The following SMPD1 variants were observed in gnomAD, a reference collection of about 807,000 sequenced individuals.
SMPD1 encodes the protein sphingomyelin phosphodiesterase 1.
A neutral mutation model predicts 49.7 loss-of-function variants in SMPD1; 47 were observed. The ratio of observed to expected loss-of-function variants is 0.95; its 90% CI spans 0.75 to 1.21. The LOEUF is 1.21. Ranked by LOEUF, SMPD1 falls within the 50% of genes most tolerant of loss-of-function variation. SMPD1 has a pLI of 0.00. For missense variants in SMPD1, 811 were observed against 822.2 expected (o/e 0.99, Z 0.17); for synonymous variants, 336 against 339.6 (o/e 0.99, Z 0.12).
In SMPD1 at chr11:6,393,379, G is replaced by A. The variant is rs991565276; in HGVS notation, c.1255G>A (p.Gly419Arg). The part of the protein sequence containing the change: ...VGELQAAEDR[G>R]DKVHIIGHIP... ...GGAGCTTCAGGCTGCTGAGGATCGA[G>A]GAGACAAAGTGAGGGCCAGTAGTGG... Residue 419 changes from glycine (G) to arginine (R), a missense_variant, in exon 3 of 6, where the codon GGA becomes AGA. By Grantham distance (125) the Gly-to-Arg change is moderately radical. Transcript: ENST00000342245. 1 of 1,612,686 alleles carries A rather than the reference G, an allele frequency of 6.2e-7. No homozygotes were observed. Among genetic ancestry groups the A allele is most frequent in the African/African-American group, 1.3e-5 (1 of 74,918 alleles).
At chr11:6,392,927 C>T (rs1848000363) in intron 2 of SMPD1, among the ~76,000 whole-genome samples, 1 of 151,760 alleles carries the variant, frequency 6.6e-6, no homozygotes, top group Non-Finnish European at 1.5e-5. Context: ...TTTTTAAGTG[C>T]TCCAGTTTTT....
intron 5 of SMPD1, 52 bp from the exon 6 acceptor site, chr11:6,394,146 C>T: frequency 6.2e-7 from 1 of 1,613,876 alleles, no homozygotes; most frequent in Non-Finnish European, 8.5e-7. Flanking sequence ...GTGGCCCCTC[C>T]CTGGAGTTAC....
Position 6,390,538 on chromosome 11 carries a change from G to A in SMPD1, c.-61G>A. 6.3e-7 allele frequency: 1 copy of A among 1,580,236 alleles called. No homozygotes were observed. Among genetic ancestry groups the A allele is most frequent in the Non-Finnish European group, 8.6e-7 (1 of 1,165,072 alleles). ...GCGCCGCCCGGGGCCCTGAGGGCTGGCTAGGGTCCAGGCCGGGGGGGACGG... is the reference window on the plus strand; with the variant it reads ...GCGCCGCCCGGGGCCCTGAGGGCTGACTAGGGTCCAGGCCGGGGGGGACGG... On this transcript the variant is annotated 5_prime_UTR_variant, in exon 1 of 6. Coordinates refer to ENST00000342245, the MANE Select transcript of SMPD1 (RefSeq NM_000543.5).
At chr11:6,393,428 A>T in intron 3 of SMPD1, 41 bp downstream of exon 3, 1 of 1,593,478 alleles carries the variant, frequency 6.3e-7, no homozygotes, top group South Asian at 1.1e-5. Context: ...CTGGGGGACA[A>T]GCAGGCTCCT....
chr11:6,393,486 TCC>T (rs2134018651), intron 3 of SMPD1, 99 bp downstream of exon 3: 4 of 1,438,696 alleles, frequency 2.8e-6, no homozygotes, highest in Non-Finnish European at 3.9e-6. Context: ...TTCCTGGCAT[TCC>T]CAACAAGTGT....
In SMPD1 at chr11:6,393,454, C is replaced by T. The variant is rs1228922029; in HGVS notation, c.1263+67C>T. 1.9e-6 allele frequency: 3 copies of T among 1,540,970 alleles called. No homozygotes were observed. In the African/African-American group the frequency reaches 4.1e-5, roughly 21 times the overall value. ...GCAGGCTCCTGTTGAGCTGGAGCAC[C>T]TCTGGGCACAGAAGTTTTATTTTCC... On this transcript the variant is annotated intron_variant, in intron 3 of 5. Transcript: ENST00000342245.
chr11:6,394,312 A>C lies in SMPD1; in HGVS notation c.1601A>C (p.His534Pro), dbSNP rs1848087938. The change falls in exon 6 of 6, where the codon CAC becomes CCC. Residue 534 changes from histidine to proline, a missense_variant. Coordinates refer to ENST00000342245, the MANE Select transcript of SMPD1 (RefSeq NM_000543.5). ...GCAAACATACCGGGAGCCATACCGC[A>C]CTGGCAGCTTCTCTACAGGGCTCGA... The part of the protein sequence containing the change: ...TQANIPGAIP[H>P]WQLLYRARET... 4.3e-6 allele frequency: 7 copies of C among 1,614,216 alleles called. No individual in the cohort carries two copies. Among genetic ancestry groups the C allele is most frequent in the Non-Finnish European group, 4.2e-6 (5 of 1,180,020 alleles).
In SMPD1 at chr11:6,394,659, A is replaced by G. The variant is rs756706052; in HGVS notation, c.*52A>G. The G allele has an allele frequency of 1.4e-6, 2 of 1,473,466 alleles. No individual in the cohort carries two copies. Among genetic ancestry groups the G allele is most frequent in the Admixed American group, 1.7e-5 (1 of 58,188 alleles). The allele number at this position is 1,473,466 out of a possible 1,614,324, so 91.3% of individuals were successfully genotyped here. ...TTCTTGATGTAGGAAAGGGTGAAAA[A>G]GCCCAAATGCTGCTGTGGTTCAACC... On this transcript the variant is annotated 3_prime_UTR_variant, in exon 6 of 6. Coordinates refer to ENST00000342245, the MANE Select transcript of SMPD1 (RefSeq NM_000543.5).
In SMPD1 at chr11:6,391,414, G is replaced by A. The variant is rs202206564; in HGVS notation, c.349G>A (p.Val117Met). ...KEPNVARVGS[V>M]AIKLCNLLKI... ...ACCCAATGTGGCTCGCGTGGGCTCCGTGGCCATCAAGCTGTGCAATCTGCT... is the reference window on the plus strand; with the variant it reads ...ACCCAATGTGGCTCGCGTGGGCTCCATGGCCATCAAGCTGTGCAATCTGCT... Residue 117 changes from valine (V) to methionine (M), a missense_variant, in exon 2 of 6, where the codon GTG becomes ATG. Physicochemically the swap from Val to Met is conservative, Grantham distance 21. Transcript: ENST00000342245. 6.9e-5 allele frequency: 111 copies of A among 1,613,030 alleles called. No individual in the cohort carries two copies. In the East Asian group the frequency reaches 1.7e-3, roughly 25 times the overall value.
intron 1 of SMPD1, 128 bp from the exon 2 acceptor site, chr11:6,391,256 T>G: frequency 1.1e-6 from 1 of 910,702 alleles, no homozygotes; most frequent in Non-Finnish European, 1.8e-6. Flanking sequence ...AGGTGTGCAC[T>G]GAGCTTGGTG....
In SMPD1 at chr11:6,390,704, G is replaced by C. The variant is rs141685473; in HGVS notation, c.106G>C (p.Val36Leu). ...GAPGLLWMGL[V>L]LALALALALA... ...CCCCGGACTCCTTTGGATGGGCCTGGTGCTGGCGCTGGCGCTGGCGCTGGC... is the reference window on the plus strand; with the variant it reads ...CCCCGGACTCCTTTGGATGGGCCTGCTGCTGGCGCTGGCGCTGGCGCTGGC... Residue 36 changes from valine (V) to leucine (L), a missense_variant, in exon 1 of 6, where the codon GTG (valine) becomes CTG (leucine). Coordinates refer to ENST00000342245, the MANE Select transcript of SMPD1 (RefSeq NM_000543.5). 14 of 1,267,608 alleles carry C rather than the reference G, an allele frequency of 1.1e-5. No homozygotes were observed. In the Admixed American group the frequency reaches 1.9e-4, roughly 17 times the overall value. 78.5% of individuals were successfully genotyped at this position (1,267,608 alleles called of 1,614,324 possible).
rs967967945 is a variant in SMPD1, at chr11:6,390,476, T to A, written c.-123T>A. 6.6e-7 allele frequency: 1 copy of A among 1,508,402 alleles called. No individual in the cohort carries two copies. Among genetic ancestry groups the A allele is most frequent in the African/African-American group, 1.4e-5 (1 of 71,522 alleles). The allele number at this position is 1,508,402 out of a possible 1,614,324, so 93.4% of individuals were successfully genotyped here. On this transcript the variant is annotated 5_prime_UTR_variant, in exon 1 of 6. Coordinates refer to ENST00000342245, the MANE Select transcript of SMPD1 (RefSeq NM_000543.5). ...TGCTTTGCGGCCGGCCGCGGAGCAG[T>A]CAGCCGACTACAGAGAAGGGTAATC...
intron 1 of SMPD1, 53 bp from the exon 2 acceptor site, chr11:6,391,331 C>T (rs1053828778): frequency 1.9e-6 from 3 of 1,596,294 alleles, no homozygotes; most frequent in Non-Finnish European, 2.6e-6. Context: ...AGGGGTTGGC[C>T]TGGTTCCTCT....
Position 6,394,342 on chromosome 11 carries a change from C to T in SMPD1, c.1631C>T (p.Thr544Ile), listed in dbSNP as rs965946270. Reference protein sequence around the residue: ...HWQLLYRARETYGLPNTLPTA... With the variant: ...HWQLLYRAREIYGLPNTLPTA... ...CAGCTTCTCTACAGGGCTCGAGAAA[C>T]CTATGGGCTGCCCAACACACTGCCT... Residue 544 changes from threonine to isoleucine, a missense_variant, in exon 6 of 6, where the codon ACC becomes ATC. Coordinates refer to ENST00000342245, the MANE Select transcript of SMPD1 (RefSeq NM_000543.5). 3.7e-6 allele frequency: 6 copies of T among 1,614,134 alleles called. No homozygotes were observed. In the African/African-American group the frequency reaches 6.7e-5, roughly 18 times the overall value.
rs757934797 is a variant in SMPD1, at chr11:6,392,020, G to C, written c.955G>C (p.Gly319Arg). 3 of 1,614,176 alleles carry C rather than the reference G, an allele frequency of 1.9e-6. No individual in the cohort carries two copies. The highest frequency in any genetic ancestry group is 2.5e-6 in the Non-Finnish European group (3 of 1,180,026). Residue 319 changes from glycine to arginine, a missense_variant, in exon 2 of 6, where the codon GGT (glycine) becomes CGT (arginine). Physicochemically the swap from Gly to Arg is moderately radical, Grantham distance 125. Transcript: ENST00000342245. ...GCCAGTGCCAGTGTACCCTGCTGTG[G>C]GTAACCATGAAAGCACACCTGTCAA... ...LGPVPVYPAV[G>R]NHESTPVNSF...
In SMPD1 at chr11:6,393,819, G is replaced by C. The variant is rs932470687; in HGVS notation, c.1341-77G>C. 1.0e-5 allele frequency: 16 copies of C among 1,589,928 alleles called. No individual in the cohort carries two copies. The Admixed American group carries it at 2.5e-4, about 25-fold the overall frequency. ...AGGCTCCTCACTAGAACAGGTTGGA[G>C]AAAGAGGGCATCCTATCTCCCCAGA... is the stretch of plus-strand genomic sequence containing the variant. On this transcript the variant is annotated intron_variant, in intron 4 of 5. Coordinates refer to ENST00000342245, the MANE Select transcript of SMPD1 (RefSeq NM_000543.5).
rs751781760 is a variant in SMPD1 at position 6,393,320 on chromosome 11, C to T, written c.1196C>T (p.Thr399Met). 40 of 1,613,866 alleles carry T rather than the reference C, an allele frequency of 2.5e-5. No homozygotes were observed. The highest frequency in any genetic ancestry group is 1.6e-4 in the Middle Eastern group (1 of 6,082). Residue 399 changes from threonine to methionine, a missense_variant, in exon 3 of 6, where the codon ACG (threonine) becomes ATG (methionine). Transcript: ENST00000342245. ...AACTTCTGGCTCTTGATCAACTCCA[C>T]GGATCCCGCAGGACAGCTCCAGTGG... ...RENFWLLINS[T>M]DPAGQLQWLV...
rs1252347417 is a variant in SMPD1, at chr11:6,391,512, A to G, written c.447A>G (p.Arg149=). ...AGGATGACATGGTGGAGGTGTGGAG[A>G]CGCTCAGTGCTGAGCCCATCTGAGG... ...LFEDDMVEVW[R]RSVLSPSEAC... The change falls in exon 2 of 6, where the codon AGA becomes AGG. Residue 149 remains arginine (R), a synonymous_variant. Transcript: ENST00000342245. 4 of 1,614,026 alleles carry G rather than the reference A, an allele frequency of 2.5e-6. No individual in the cohort carries two copies. The South Asian group carries it at 4.4e-5, about 18-fold the overall frequency.
Position 6,390,718 on chromosome 11 carries a change from G to GCTGGCC in SMPD1, c.125_126insCCTGGC (p.Ala48_Leu49dup). On this transcript the variant is annotated inframe_insertion, in exon 1 of 6. Transcript: ENST00000342245. ...GGATGGGCCTGGTGCTGGCGCTGGC[G>GCTGGCC]CTGGCGCTGGCGCTGGCGCTGGCTC... 2 of 1,555,150 alleles carry GCTGGCC rather than the reference G, an allele frequency of 1.3e-6. No homozygotes were observed. Among genetic ancestry groups the GCTGGCC allele is most frequent in the South Asian group, 2.4e-5 (2 of 83,184 alleles).
Sources: allele counts gnomAD v4.1 joint callset (sites outside exome capture counted in the v4.1 genomes callset), GRCh38; gene constraint gnomAD v4.1.1; transcripts MANE v1.5; gene names NCBI Gene and HGNC (gene_info 2026-07-23, HGNC 2026-07-21).